ATP2B3: variants seen among roughly 807,000 people sequenced by gnomAD.
ATP2B3 encodes the protein ATPase plasma membrane Ca2+ transporting 3, also known as plasma membrane calcium-transporting ATPase 3.
ATP2B3 carries 12 observed loss-of-function variants against 70.8 expected under a neutral mutation model. That is an observed-to-expected ratio of 0.17 (90% CI 0.11 to 0.27). The LOEUF (loss-of-function observed/expected upper bound fraction) is 0.27. ATP2B3 is among the 10% of genes least tolerant of loss of function. The probability of loss-of-function intolerance (pLI) is 1.00; values close to 1 mark genes in which losing one functional copy is unlikely to be tolerated. For synonymous variants in ATP2B3, 460 were observed against 497.8 expected (o/e 0.92, Z 1.01); for missense variants, 858 against 1,118.5 (o/e 0.77, Z 3.32).
chrX:153,525,843 G>A (rs1205049934), intron 2 of ATP2B3, among the ~76,000 whole-genome samples: 3 of 113,232 alleles, frequency 2.6e-5, no homozygotes, highest in Non-Finnish European at 5.6e-5. Flanking sequence ...GTCCTGGGGA[G>A]TGGAGCAAGA....
intron 2 of ATP2B3, among the ~76,000 whole-genome samples, chrX:153,530,667 G>A (rs2090102328): frequency 9.0e-6 from 1 of 111,668 alleles, no homozygotes; most frequent in South Asian, 3.7e-4. Context: ...AGAGCTTCAG[G>A]CAGGTGGGTG....
chrX:153,579,413 C>G (rs1557022100), intron 21 of ATP2B3, among the ~76,000 whole-genome samples: 1 of 112,752 alleles, frequency 8.9e-6, no homozygotes, highest in African/African-American at 3.2e-5. Context: ...CGAGAAAGGC[C>G]GGCAGTGCCC....
chrX:153,538,996 C>T (rs918858349), intron 3 of ATP2B3, among the ~76,000 whole-genome samples: 4 of 112,798 alleles, frequency 3.5e-5, no homozygotes, highest in African/African-American at 1.3e-4. Context: ...GAGAGAGACT[C>T]GCATGGAGGC....
intron 2 of ATP2B3, among the ~76,000 whole-genome samples, chrX:153,535,632 C>G (rs2090179577): frequency 8.9e-6 from 1 of 112,267 alleles, no homozygotes; most frequent in Non-Finnish European, 1.9e-5. Flanking sequence ...CAGAAGACCA[C>G]CAGGGACTCA....
At chrX:153,533,006 A>T (rs1233529726) in intron 2 of ATP2B3, 2 of 111,833 alleles carry the variant, frequency 1.8e-5, no homozygotes, top group African/African-American at 6.5e-5. Flanking sequence ...TGTTGCATTC[A>T]TGAAGACAGT....
Position 153,564,950 on chromosome X carries a change from C to T in ATP2B3, c.3189C>T (p.Leu1063=). Residue 1063 remains leucine (L), a synonymous_variant, in exon 21 of 22, where the codon CTC becomes CTT. Coordinates refer to ENST00000263519, the MANE Select transcript of ATP2B3 (RefSeq NM_001001344.3). ...QVIATIPTSQ[L]KCLKEAGHGP... ...TTGCCACCATCCCCACCAGCCAGCT[C>T]AAGTGCCTGAAGGAAGCCGGGCACG... The T allele has an allele frequency of 8.3e-7, 1 of 1,198,244 alleles. No individual in the cohort carries two copies. The highest frequency in any genetic ancestry group is 1.8e-5 in the South Asian group (1 of 54,913).
chrX:153,527,830 C>A (rs1256686142), intron 2 of ATP2B3, among the ~76,000 whole-genome samples: 1 of 112,712 alleles, frequency 8.9e-6, no homozygotes, highest in Non-Finnish European at 1.9e-5. Context: ...GACTTCAGGA[C>A]AAGCCTCGGG....
intron 2 of ATP2B3, among the ~76,000 whole-genome samples, chrX:153,525,417 C>T (rs1017259652): frequency 1.8e-5 from 2 of 112,078 alleles, no homozygotes; most frequent in East Asian, 5.6e-4. Flanking sequence ...CGGCAGTAAC[C>T]GCTTGGCTCC....
chrX:153,570,003 TTTGTG>T, intron 21 of ATP2B3: 1 of 422,837 alleles, frequency 2.4e-6, no homozygotes, highest in Non-Finnish European at 4.1e-6. Context: ...GGTTTTTCGG[TTTGTG>T]TTTAGTGCTC....
chrX:153,567,225 C>A (rs2090720608), intron 21 of ATP2B3, among the ~76,000 whole-genome samples: 1 of 113,485 alleles, frequency 8.8e-6, no homozygotes, highest in Non-Finnish European at 1.9e-5. Context: ...AGGGGTGCAG[C>A]ACAGATAGTC....
At chrX:153,562,515 A>T (rs1384098574) in intron 20 of ATP2B3, among the ~76,000 whole-genome samples, 1 of 112,476 alleles carries the variant, frequency 8.9e-6, no homozygotes, top group African/African-American at 3.2e-5. Flanking sequence ...TGCCCCTTCC[A>T]ATTGGGTGGG....
intron 21 of ATP2B3, among the ~76,000 whole-genome samples, chrX:153,574,438 G>A (rs1236435307): frequency 1.8e-5 from 2 of 111,696 alleles, no homozygotes; most frequent in East Asian, 2.8e-4. Context: ...GGAGGAAATC[G>A]ACCAGAAGCA....
chrX:153,565,208 G>A (rs1218598838), intron 21 of ATP2B3, 105 bp downstream of exon 21: 1 of 995,043 alleles, frequency 1.0e-6, no homozygotes, highest in African/African-American at 2.0e-5. Flanking sequence ...ACACCCACAG[G>A]GAAACCCTTT....
At chrX:153,543,314 G>A (rs1849107361) in intron 7 of ATP2B3, 146 bp downstream of exon 7, 11 of 842,510 alleles carry the variant, frequency 1.3e-5, no homozygotes, top group Non-Finnish European at 1.5e-5. Flanking sequence ...TTGATTCTCC[G>A]TGGAGACTCC....
In ATP2B3 at chrX:153,580,018, G is replaced by A. The variant is rs782508286; in HGVS notation, c.3383G>A (p.Gly1128Asp). ...GCGTTCCGTAGCTCGCTCTATGAAG[G>A]CCTGGAGAAACCAGAATCCAAGACC... Reference protein sequence around the residue: ...VKAFRSSLYEGLEKPESKTSI... With the variant: ...VKAFRSSLYEDLEKPESKTSI... The change falls in exon 22 of 22, where the codon GGC becomes GAC. Residue 1128 changes from glycine to aspartate, a missense_variant. By Grantham distance (94) the Gly-to-Asp change is moderately conservative (BLOSUM62 -1). Coordinates refer to ENST00000263519, the MANE Select transcript of ATP2B3 (RefSeq NM_001001344.3). 5.0e-6 allele frequency: 6 copies of A among 1,211,233 alleles called. No individual in the cohort carries two copies. The South Asian group carries it at 5.3e-5, about 11-fold the overall frequency.
rs2124276876 is a variant in ATP2B3 at position 153,518,495 on chromosome X, T to A, written c.-183T>A. On this transcript the variant is annotated 5_prime_UTR_variant, in exon 2 of 22. Coordinates refer to ENST00000263519, the MANE Select transcript of ATP2B3 (RefSeq NM_001001344.3). Reference sequence around the variant, plus strand: ...CCAGCCAGCTTTTCCTGTGGCCGCCTGCGTTTTCTCACGGGTGAAAGCTCT... The same window carrying A: ...CCAGCCAGCTTTTCCTGTGGCCGCCAGCGTTTTCTCACGGGTGAAAGCTCT... Among the ~76,000 whole-genome samples, 1 of 112,962 alleles carries A rather than the reference T, an allele frequency of 8.9e-6. No individual in the cohort carries two copies. Among genetic ancestry groups the A allele is most frequent in the East Asian group, 2.8e-4 (1 of 3,552 alleles).
At chrX:153,553,312 C>T in intron 13 of ATP2B3, 43 bp downstream of exon 13, 2 of 1,133,271 alleles carry the variant, frequency 1.8e-6, no homozygotes, top group Non-Finnish European at 2.4e-6. Flanking sequence ...TAACTGTGCC[C>T]TCTGCCCGAG....
intron 1 of ATP2B3, 146 bp downstream of exon 1, chrX:153,518,021 G>A (rs2089902028): frequency 1.8e-5 from 2 of 110,374 alleles, no homozygotes; most frequent in African/African-American, 3.2e-5. Context: ...AGGCACCTGA[G>A]CCCCGCGCCG....
intron 3 of ATP2B3, among the ~76,000 whole-genome samples, chrX:153,540,234 C>T (rs1257788103): frequency 8.9e-6 from 1 of 112,363 alleles, no homozygotes; most frequent in South Asian, 3.7e-4. Context: ...CTGCAGAGAG[C>T]AGCTGATGAG....
Sources: allele counts gnomAD v4.1 joint callset (sites outside exome capture counted in the v4.1 genomes callset), GRCh38; gene constraint gnomAD v4.1.1; transcripts MANE v1.5; gene names NCBI Gene and HGNC (gene_info 2026-07-23, HGNC 2026-07-21).